Variants in ARHGAP6 observed in about 807,000 individuals in gnomAD.
ARHGAP6 encodes the protein rho GTPase-activating protein 6.
ARHGAP6 carries 16 observed loss-of-function variants against 55.7 expected under a neutral mutation model. The ratio of observed to expected loss-of-function variants is 0.29; its 90% CI spans 0.19 to 0.44. The LOEUF (loss-of-function observed/expected upper bound fraction) is 0.44. Among genes scored for constraint, ARHGAP6 ranks in the 20% least tolerant of loss-of-function variants. The pLI, the probability that ARHGAP6 is intolerant of heterozygous loss-of-function variation, is 1.00. For missense variants in ARHGAP6, 698 were observed against 808.9 expected (o/e 0.86, Z 1.66); for synonymous variants, 382 against 360.9 (o/e 1.06, Z -0.66).
chrX:11,589,502 TTAAACTA>T (rs987697679), intron 1 of ARHGAP6, among the ~76,000 whole-genome samples: 14 of 108,473 alleles, frequency 1.3e-4, no homozygotes, highest in Non-Finnish European at 2.3e-4. Flanking sequence ...TGTAAGTAGA[TTAAACTA>T]TAAAAAGCCT....
At chrX:11,549,317 A>C (rs2051242445) in intron 1 of ARHGAP6, among the ~76,000 whole-genome samples, 1 of 112,343 alleles carries the variant, frequency 8.9e-6, no homozygotes, top group Admixed American at 9.5e-5. Flanking sequence ...TCTTCACAGC[A>C]AGGGAAACAA....
At chrX:11,199,222 G>T (rs1170309982) in intron 2 of ARHGAP6, among the ~76,000 whole-genome samples, 3 of 112,117 alleles carry the variant, frequency 2.7e-5, no homozygotes, top group Non-Finnish European at 5.6e-5. Context: ...CTAGCTTGGG[G>T]TTATTAGGAA....
intron 1 of ARHGAP6, among the ~76,000 whole-genome samples, chrX:11,567,882 T>C (rs2051464262): frequency 9.0e-6 from 1 of 110,804 alleles, no homozygotes; most frequent in South Asian, 3.9e-4. Context: ...CTAGCCATGT[T>C]GCCCACGCTG....
In ARHGAP6 at chrX:11,305,505, G is replaced by A. The variant is rs752067417; in HGVS notation, c.589-50798C>T. ...GTTACAAGAAGCTTGTCTCCTGTGA[G>A]TTAATTGTTCCTGCTTGTTTGACCT... On this transcript the variant is annotated intron_variant, in intron 1 of 12. Coordinates refer to ENST00000337414, the MANE Select transcript of ARHGAP6 (RefSeq NM_013427.3). Among the ~76,000 whole-genome samples the A allele has an allele frequency of 3.5e-4, 39 of 112,556 alleles. No homozygotes were observed. In the Admixed American group the frequency reaches 3.6e-3, roughly 11 times the overall value.
At position 11,144,186 on chromosome X, in the gene ARHGAP6, T is replaced by C. The variant is rs1336553394; in HGVS notation, c.1970A>G (p.Asp657Gly). 2.5e-6 allele frequency: 3 copies of C among 1,210,886 alleles called. No individual in the cohort carries two copies. Among genetic ancestry groups the C allele is most frequent in the Non-Finnish European group, 2.2e-6 (2 of 895,234 alleles). ...FSVGGRHSST[D>G]SNKASSGDIS... ...GTCTCCGCTGGAGGCCTTGTTGGAG[T>C]CTGTAGATGAATGCCTCCCTCCCAC... The change falls in exon 11 of 13, where the codon GAC becomes GGC. Residue 657 changes from aspartate to glycine, a missense_variant. Asp to Gly is a moderately conservative substitution (Grantham distance 94). Transcript: ENST00000337414.
At chrX:11,310,247 C>T (rs1346731917) in intron 1 of ARHGAP6, among the ~76,000 whole-genome samples, 1 of 107,725 alleles carries the variant, frequency 9.3e-6, no homozygotes, top group Non-Finnish European at 1.9e-5. Flanking sequence ...GATGTGGAAC[C>T]CTTACATAGT....
At chrX:11,552,934 T>A (rs983577077) in intron 1 of ARHGAP6, among the ~76,000 whole-genome samples, 7 of 109,531 alleles carry the variant, frequency 6.4e-5, no homozygotes, top group African/African-American at 2.3e-4. Context: ...AATAACAGTG[T>A]ATTGTACACT....
intron 1 of ARHGAP6, among the ~76,000 whole-genome samples, chrX:11,608,205 A>G (rs919294224): frequency 8.9e-6 from 1 of 112,133 alleles, no homozygotes; most frequent in African/African-American, 3.2e-5. Flanking sequence ...CAGTGACTGA[A>G]ATGATACTTT....
At chrX:11,284,809 A>G (rs181848858) in intron 1 of ARHGAP6, among the ~76,000 whole-genome samples, 80 of 111,177 alleles carry the variant, frequency 7.2e-4, no homozygotes, top group African/African-American at 2.6e-3. Context: ...TTTCCTGTGC[A>G]TTGTAGAATA....
chrX:11,561,673 G>C (rs1601646309), intron 1 of ARHGAP6, among the ~76,000 whole-genome samples: 2 of 112,135 alleles, frequency 1.8e-5, no homozygotes, highest in Admixed American at 9.4e-5. Context: ...ATCAAGTTTG[G>C]CTATGACCCC....
rs751308563 is a variant in ARHGAP6 at position 11,381,633 on chromosome X, G to C, written c.589-126926C>G. 8.9e-5 allele frequency among the ~76,000 whole-genome samples: 10 copies of C among 111,900 alleles called. No homozygotes were observed. The South Asian group carries it at 3.8e-3, about 42-fold the overall frequency. ...ACTCCCATAAGGAGCACTAGTGTTA[G>C]TTTTTCCTTTTGCCACCAGGGGGAG... On this transcript the variant is annotated intron_variant, in intron 1 of 12. Coordinates refer to ENST00000337414, the MANE Select transcript of ARHGAP6 (RefSeq NM_013427.3).
At chrX:11,167,470 G>T (rs2046032522) in intron 9 of ARHGAP6, among the ~76,000 whole-genome samples, 1 of 111,324 alleles carries the variant, frequency 9.0e-6, no homozygotes, top group African/African-American at 3.3e-5. Context: ...TACAGAGAAT[G>T]GCAAACAAAG....
chrX:11,447,659 A>G (rs2050104968), intron 1 of ARHGAP6, among the ~76,000 whole-genome samples: 1 of 112,294 alleles, frequency 8.9e-6, no homozygotes, highest in African/African-American at 3.2e-5. Flanking sequence ...GTCTCTTCCA[A>G]GTGAATACTT....
At chrX:11,469,469 G>T (rs2050326974) in intron 1 of ARHGAP6, among the ~76,000 whole-genome samples, 1 of 112,124 alleles carries the variant, frequency 8.9e-6, no homozygotes, top group Admixed American at 9.4e-5. Flanking sequence ...ACATAGATAT[G>T]TGCATGCATA....
intron 1 of ARHGAP6, among the ~76,000 whole-genome samples, chrX:11,308,944 T>G (rs779951314): frequency 8.9e-6 from 1 of 112,063 alleles, no homozygotes; most frequent in African/African-American, 3.2e-5. Context: ...AATATTCCAA[T>G]AAGCCTGGTT....
chrX:11,396,931 T>C (rs1862382470), intron 1 of ARHGAP6, among the ~76,000 whole-genome samples: 1 of 111,362 alleles, frequency 9.0e-6, no homozygotes, highest in Non-Finnish European at 1.9e-5. Flanking sequence ...TTATTTTGGT[T>C]AAAACATATA....
chrX:11,294,857 C>A, intron 1 of ARHGAP6: 1 of 1,209,480 alleles, frequency 8.3e-7, no homozygotes, highest in Non-Finnish European at 1.1e-6. Context: ...GTAAAACACC[C>A]CTTGCATAAG....
At chrX:11,159,385 A>G (rs2045909150) in intron 9 of ARHGAP6, among the ~76,000 whole-genome samples, 1 of 111,536 alleles carries the variant, frequency 9.0e-6, no homozygotes, top group Non-Finnish European at 1.9e-5. Context: ...ATCTACCCAG[A>G]TAAGATGATG....
At chrX:11,517,863 C>T (rs927758382) in intron 1 of ARHGAP6, among the ~76,000 whole-genome samples, 18 of 110,786 alleles carry the variant, frequency 1.6e-4, no homozygotes, top group African/African-American at 4.9e-4. Context: ...AAATAACTAA[C>T]GCATCCTGGG....
Sources: allele counts gnomAD v4.1 joint callset (sites outside exome capture counted in the v4.1 genomes callset), GRCh38; gene constraint gnomAD v4.1.1; transcripts MANE v1.5; gene names NCBI Gene and HGNC (gene_info 2026-07-23, HGNC 2026-07-21).